The following CEP152 variants were observed in gnomAD, a reference collection of about 807,000 sequenced individuals.
The protein encoded by CEP152 is centrosomal protein 152.
CEP152 carries 132 observed loss-of-function variants against 188.9 expected under a neutral mutation model. That is an observed-to-expected ratio of 0.70 (90% CI 0.61 to 0.81). The LOEUF is 0.81. Ranked by LOEUF, CEP152 falls within the 30% of genes least tolerant of loss-of-function variation. CEP152 has a pLI of 0.00. For missense variants in CEP152, 1,914 were observed against 1,969.8 expected (o/e 0.97, Z 0.54); for synonymous variants, 649 against 666.6 (o/e 0.97, Z 0.41).
chr15:48,740,941 C>T (rs1324511920), intron 26 of CEP152: 2 of 753,012 alleles, frequency 2.7e-6, no homozygotes, highest in East Asian at 1.3e-4. Flanking sequence ...ACTAATTACC[C>T]CATTCATATC....
chr15:48,783,835 TTTC>T (rs1256815627), intron 10 of CEP152, 135 bp downstream of exon 10: 2 of 493,320 alleles, frequency 4.1e-6, no homozygotes, highest in African/African-American at 4.1e-5. Context: ...AAAATATATA[TTTC>T]TTTTTTTTAA....
At chr15:48,735,715 C>G (rs1438343017), downstream of CEP152, among the ~76,000 whole-genome samples, 1 of 151,772 alleles carries the variant, frequency 6.6e-6, no homozygotes, top group African/African-American at 2.4e-5. Context: ...AGCCTGGCGA[C>G]AGAGCAAGTC....
chr15:48,734,971 A>G (rs1892548256), downstream of CEP152, among the ~76,000 whole-genome samples: 1 of 152,234 alleles, frequency 6.6e-6, no homozygotes, highest in African/African-American at 2.4e-5. Context: ...AAATAGGAAT[A>G]AAATCAGCAA....
intron 24 of CEP152, among the ~76,000 whole-genome samples, chr15:48,742,695 G>A (rs1260213683): frequency 6.6e-6 from 1 of 151,204 alleles, no homozygotes; most frequent in Non-Finnish European, 1.5e-5. Flanking sequence ...GAGGGTGATG[G>A]GACTTATAGT....
At position 48,756,079 on chromosome 15, in the gene CEP152, T is replaced by C; in HGVS notation, c.3169A>G (p.Thr1057Ala). 1.2e-6 allele frequency: 2 copies of C among 1,614,126 alleles called. No individual in the cohort carries two copies. Among genetic ancestry groups the C allele is most frequent in the African/African-American group, 2.7e-5 (2 of 75,048 alleles). The change falls in exon 20 of 27, where the codon ACC (threonine) becomes GCC (alanine). Residue 1057 changes from threonine (T) to alanine (A), a missense_variant. By Grantham distance (58) the Thr-to-Ala change is moderately conservative. Transcript: ENST00000380950. ...GAATCACTGATGTGCTCCTTTTGGG[T>C]ATCACTTAAAAGAACCCCAAGTACA... is the stretch of plus-strand genomic sequence containing the variant. Reference protein sequence around the residue: ...LTVLGVLLSDTQKEHISDSED... With the variant: ...LTVLGVLLSDAQKEHISDSED...
intron 26 of CEP152, chr15:48,741,326 T>G: frequency 1.6e-6 from 2 of 1,225,306 alleles, no homozygotes; most frequent in Non-Finnish European, 1.0e-6. Context: ...ACTTATAATT[T>G]CTTCTTTTTC....
chr15:48,765,952 G>A (rs893860035), intron 17 of CEP152, among the ~76,000 whole-genome samples: 2 of 150,788 alleles, frequency 1.3e-5, no homozygotes, highest in Non-Finnish European at 3.0e-5. Flanking sequence ...GTGCCCGGCC[G>A]CCAATTTTTA....
At position 48,744,276 on chromosome 15, in the gene CEP152, G is replaced by A. The variant is rs967551544; in HGVS notation, c.3799C>T (p.Arg1267Cys). 6.2e-6 allele frequency: 10 copies of A among 1,613,942 alleles called. No homozygotes were observed. Among genetic ancestry groups the A allele is most frequent in the African/African-American group, 1.3e-5 (1 of 74,992 alleles). Residue 1267 changes from arginine to cysteine, a missense_variant, in exon 24 of 27, where the codon CGT (arginine) becomes TGT (cysteine). Arg to Cys is a radical substitution (Grantham distance 180, BLOSUM62 -3). Transcript: ENST00000380950. Reference sequence around the variant, plus strand: ...TTTACAGCTTTAATGTACTGCCCACGAAGTTCTTCCAAGGCTCCCCCACTG... The same window carrying A: ...TTTACAGCTTTAATGTACTGCCCACAAAGTTCTTCCAAGGCTCCCCCACTG... ...PCSGGALEEL[R>C]GQYIKAVKKI...
chr15:48,771,556 T>C (rs1895533357), intron 13 of CEP152, among the ~76,000 whole-genome samples: 1 of 152,168 alleles, frequency 6.6e-6, no homozygotes, highest in African/African-American at 2.4e-5. Context: ...CTTAAAGAAA[T>C]GCAGATTCCT....
At chr15:48,766,544 G>C (rs572083179) in intron 17 of CEP152, among the ~76,000 whole-genome samples, 1 of 152,324 alleles carries the variant, frequency 6.6e-6, no homozygotes, top group Admixed American at 6.5e-5. Context: ...ATACGAAGAT[G>C]CTGACCTTGC....
In CEP152 at chr15:48,781,293, G is replaced by A. The variant is rs767472633; in HGVS notation, c.1480C>T (p.Pro494Ser). 1.2e-6 allele frequency: 2 copies of A among 1,612,562 alleles called. No homozygotes were observed. Among genetic ancestry groups the A allele is most frequent in the Admixed American group, 1.7e-5 (1 of 59,998 alleles). The stretch of plus-strand genomic sequence containing the variant: ...TTTAATTCTCCTTCTGAGTCACTTG[G>A]ATGTATTCCTAGTTTTGCAGCAGAT... ...YESAAKLGIHPSDSEGELNIE... is the reference protein window; with the variant it reads ...YESAAKLGIHSSDSEGELNIE... Residue 494 changes from proline (P) to serine (S), a missense_variant, in exon 12 of 27, where the codon CCA becomes TCA. Pro to Ser is a moderately conservative substitution (Grantham distance 74). Coordinates refer to ENST00000380950, the MANE Select transcript of CEP152 (RefSeq NM_001194998.2).
In CEP152 at chr15:48,782,236, G is replaced by C; in HGVS notation, c.1322-6C>G. The stretch of plus-strand genomic sequence containing the variant: ...AGCCACCTCTTGTACTGACCCTGCA[G>C]AGGAAAGAACCATAGGATATACTGA... On this transcript the variant is annotated splice_polypyrimidine_tract_variant and splice_region_variant and intron_variant, in intron 10 of 26. Transcript: ENST00000380950. 6.2e-7 allele frequency: 1 copy of C among 1,613,374 alleles called. No homozygotes were observed. The highest frequency in any genetic ancestry group is 1.3e-5 in the African/African-American group (1 of 75,030).
At chr15:48,746,744 C>T (rs776538301) in intron 22 of CEP152, among the ~76,000 whole-genome samples, 3 of 151,940 alleles carry the variant, frequency 2.0e-5, no homozygotes, top group Non-Finnish European at 2.9e-5. Context: ...AGACTACACT[C>T]CAAAGGGAAG....
downstream of CEP152, among the ~76,000 whole-genome samples, chr15:48,733,781 T>C (rs1206310475): frequency 2.0e-5 from 3 of 152,128 alleles, no homozygotes; most frequent in Non-Finnish European, 4.4e-5. Context: ...CAATTCATCA[T>C]ATATAAAGAA....
chr15:48,784,453 G>A (rs933992064), intron 9 of CEP152, among the ~76,000 whole-genome samples: 3 of 152,162 alleles, frequency 2.0e-5, no homozygotes, highest in East Asian at 3.8e-4. Flanking sequence ...ATTCCTATGC[G>A]TATTTTATAT....
Position 48,772,561 on chromosome 15 carries a change from C to T in CEP152, c.1708G>A (p.Asp570Asn), listed in dbSNP as rs1163254409. ...ATTTTCTTATGACAGTCTTTGAGGT[C>T]ATTTTGTAACTGAGACACCAGATGA... ...KRHLVSQLQN[D>N]LKDCHKKIED... The change falls in exon 13 of 27, where the codon GAC (aspartate) becomes AAC (asparagine). Residue 570 changes from aspartate to asparagine, a missense_variant. Physicochemically the swap from Asp to Asn is conservative, Grantham distance 23. Transcript: ENST00000380950. 2.5e-6 allele frequency: 4 copies of T among 1,614,026 alleles called. No homozygotes were observed. The highest frequency in any genetic ancestry group is 3.4e-6 in the Non-Finnish European group (4 of 1,179,996).
chr15:48,774,778 G>T (rs905762983), intron 12 of CEP152, among the ~76,000 whole-genome samples: 2 of 152,010 alleles, frequency 1.3e-5, no homozygotes, highest in African/African-American at 4.8e-5. Flanking sequence ...CAACTAACCA[G>T]AAAAATGTGG....
chr15:48,810,834 G>C (rs991167890), intron 1 of CEP152, 127 bp downstream of exon 1: 2 of 152,466 alleles, frequency 1.3e-5, no homozygotes, highest in Admixed American at 1.3e-4. Flanking sequence ...CAACATGCGG[G>C]CAGTCCACCA....
At chr15:48,774,824 T>A in intron 12 of CEP152, among the ~76,000 whole-genome samples, 1 of 152,032 alleles carries the variant, frequency 6.6e-6, no homozygotes, top group East Asian at 1.9e-4. Flanking sequence ...ATGATCCAAA[T>A]GCTGGAACTG....
Sources: gnomAD v4.1 joint callset for allele counts (sites outside exome capture counted in the v4.1 genomes callset) on GRCh38, gnomAD v4.1.1 for gene constraint, MANE v1.5 for transcripts, NCBI Gene and HGNC (gene_info 2026-07-23, HGNC 2026-07-21) for gene names.